Variants in SLC16A12 observed in about 807,000 individuals in gnomAD.
SLC16A12 encodes the protein monocarboxylate transporter 12.
Under a neutral mutation model 42.4 loss-of-function variants are expected in SLC16A12, and 17 were observed. The observed-to-expected ratio is 0.40, with a 90% CI of 0.27 to 0.60. The LOEUF (loss-of-function observed/expected upper bound fraction) is 0.60. Ranked by LOEUF, SLC16A12 falls within the 20% of genes least tolerant of loss-of-function variation. SLC16A12 has a pLI of 0.42. For missense variants in SLC16A12, 544 were observed against 623.0 expected, an observed-to-expected ratio of 0.87 and a Z score of 1.35; for synonymous variants, 224 against 229.4, an observed-to-expected ratio of 0.98 and a Z score of 0.21.
chr10:89,494,699 A>G (rs934770841), intron 2 of SLC16A12, among the ~76,000 whole-genome samples: 10 of 152,214 alleles, frequency 6.6e-5, no homozygotes, highest in African/African-American at 2.4e-4. Context: ...ACTGAAACCT[A>G]ATCCAACATG....
At chr10:89,537,325 G>T (rs1589736130), upstream of SLC16A12, among the ~76,000 whole-genome samples, 1 of 152,036 alleles carries the variant, frequency 6.6e-6, no homozygotes, top group Non-Finnish European at 1.5e-5. Flanking sequence ...TTACAGGCTT[G>T]AGCCACTGTG....
At chr10:89,490,966 A>T (rs1025996189) in intron 2 of SLC16A12, among the ~76,000 whole-genome samples, 2 of 152,246 alleles carry the variant, frequency 1.3e-5, no homozygotes, top group African/African-American at 4.8e-5. Flanking sequence ...GAGCTATTTC[A>T]AGAACTGGAG....
intron 2 of SLC16A12, among the ~76,000 whole-genome samples, chr10:89,469,630 A>T (rs1401235053): frequency 6.6e-6 from 1 of 152,132 alleles, no homozygotes; most frequent in Non-Finnish European, 1.5e-5. Flanking sequence ...CTTTAGCTGT[A>T]TTCTCACCTT....
chr10:89,461,045 T>C (rs752497692), intron 3 of SLC16A12, among the ~76,000 whole-genome samples: 1 of 152,226 alleles, frequency 6.6e-6, no homozygotes, highest in Non-Finnish European at 1.5e-5. Context: ...TCCAAATTAC[T>C]TTCTTGTAAT....
In SLC16A12 at chr10:89,433,177, G is replaced by A; in HGVS notation, c.1438C>T (p.Pro480Ser). The A allele has an allele frequency of 6.2e-7, 1 of 1,614,172 alleles. No individual in the cohort carries two copies. Among genetic ancestry groups the A allele is most frequent in the Non-Finnish European group, 8.5e-7 (1 of 1,180,024 alleles). Residue 480 changes from proline (P) to serine (S), a missense_variant, in exon 8 of 8, where the codon CCT (proline) becomes TCT (serine). Pro to Ser is a moderately conservative substitution (Grantham distance 74, BLOSUM62 -1). Coordinates refer to ENST00000371790, the MANE Select transcript of SLC16A12 (RefSeq NM_213606.4). ...QLQFIAKESD[P>S]KLQLWTNGSV... ...CCATTGGTCCATAGCTGCAGCTTAG[G>A]ATCAGATTCTTTGGCAATGAACTGC...
chr10:89,544,567 T>G (rs540925771), intron 2 of SLC16A12, among the ~76,000 whole-genome samples: 43 of 152,368 alleles, frequency 2.8e-4, no homozygotes, highest in African/African-American at 1.0e-3. Flanking sequence ...TTCTCCAAAT[T>G]AAATTTAAAT....
intron 2 of SLC16A12, among the ~76,000 whole-genome samples, chr10:89,504,930 A>G (rs1420953134): frequency 1.3e-5 from 2 of 152,172 alleles, no homozygotes; most frequent in African/African-American, 4.8e-5. Context: ...AGAGTGTGCC[A>G]GGGAGCATAA....
intron 6 of SLC16A12, among the ~76,000 whole-genome samples, chr10:89,437,342 G>T (rs1330093242): frequency 2.6e-5 from 4 of 152,150 alleles, no homozygotes; most frequent in African/African-American, 9.7e-5. Flanking sequence ...AGCTCCAACA[G>T]CTTATGCTTT....
At chr10:89,439,329 CCCCT>C in intron 5 of SLC16A12, 146 bp from the exon 6 acceptor site, 1 of 768,348 alleles carries the variant, frequency 1.3e-6, no homozygotes, top group South Asian at 2.0e-5. Flanking sequence ...AAATGAGTCT[CCCCT>C]CACCAGTCAT....
intron 2 of SLC16A12, among the ~76,000 whole-genome samples, chr10:89,544,530 A>G (rs1843732290): frequency 6.6e-6 from 1 of 152,182 alleles, no homozygotes. Flanking sequence ...TATTTTCTGA[A>G]GTATGTATTC....
At chr10:89,495,783 G>T (rs1344897096) in intron 2 of SLC16A12, among the ~76,000 whole-genome samples, 1 of 152,214 alleles carries the variant, frequency 6.6e-6, no homozygotes, top group Non-Finnish European at 1.5e-5. Context: ...GGGGCTGACA[G>T]AGCTGTGGCT....
At chr10:89,488,034 AAT>A (rs1842790013) in intron 2 of SLC16A12, among the ~76,000 whole-genome samples, 1 of 145,056 alleles carries the variant, frequency 6.9e-6, no homozygotes, top group Admixed American at 7.0e-5. Flanking sequence ...ATATATATTA[AAT>A]ATATATGTGT....
intron 2 of SLC16A12, among the ~76,000 whole-genome samples, chr10:89,494,900 T>A (rs1240108926): frequency 3.3e-5 from 5 of 152,204 alleles, no homozygotes; most frequent in Admixed American, 3.3e-4. Context: ...GTATTTAGTC[T>A]GTGGAAATGC....
At chr10:89,510,684 G>A (rs374217098) in intron 2 of SLC16A12, among the ~76,000 whole-genome samples, 17 of 152,224 alleles carry the variant, frequency 1.1e-4, no homozygotes, top group Admixed American at 2.0e-4. Context: ...AAGACTTCAC[G>A]ACTAAAACAC....
chr10:89,449,680 T>C (rs1842061273), intron 3 of SLC16A12, among the ~76,000 whole-genome samples: 1 of 152,094 alleles, frequency 6.6e-6, no homozygotes, highest in African/African-American at 2.4e-5. Context: ...GGCAATACCA[T>C]TCAGGACATA....
chr10:89,487,977 T>C (rs1842786593), intron 2 of SLC16A12, among the ~76,000 whole-genome samples: 1 of 134,900 alleles, frequency 7.4e-6, no homozygotes, highest in African/African-American at 2.7e-5. Flanking sequence ...TATATATATA[T>C]ATATATATAT....
At chr10:89,490,168 A>T (rs1056387371) in intron 2 of SLC16A12, among the ~76,000 whole-genome samples, 5 of 152,216 alleles carry the variant, frequency 3.3e-5, no homozygotes, top group Non-Finnish European at 7.3e-5. Context: ...GAGCCTGAAG[A>T]TTGTAAAATC....
chr10:89,440,073 C>CA (rs10674171), intron 5 of SLC16A12, among the ~76,000 whole-genome samples: 1,413 of 31,374 alleles, frequency 0.045, 268 homozygotes, highest in Admixed American at 0.079. Context: ...GACCCTGTCT[C>CA]AAAAAAAAAA....
intron 6 of SLC16A12, among the ~76,000 whole-genome samples, chr10:89,437,467 T>C (rs1033340970): frequency 2.6e-5 from 4 of 152,010 alleles, no homozygotes; most frequent in Admixed American, 6.6e-5. Context: ...ATCTGAGGGT[T>C]AGGTGACTTT....
Sources: gnomAD v4.1 joint callset for allele counts (sites outside exome capture counted in the v4.1 genomes callset) on GRCh38, gnomAD v4.1.1 for gene constraint, MANE v1.5 for transcripts, NCBI Gene and HGNC (gene_info 2026-07-23, HGNC 2026-07-21) for gene names.